Variants in MALT1 observed in about 807,000 individuals in gnomAD.
MALT1 encodes the protein MALT1 paracaspase.
In MALT1, 36 loss-of-function variants were observed where a neutral mutation model predicts 85.5. The ratio of observed to expected loss-of-function variants is 0.42; its 90% confidence interval spans 0.32 to 0.56. The LOEUF is 0.56. Ranked by LOEUF, MALT1 falls within the 20% of genes least tolerant of loss-of-function variation. The probability of loss-of-function intolerance (pLI) is 0.10; values close to 1 mark genes in which losing one functional copy is unlikely to be tolerated. For synonymous variants in MALT1, 359 were observed against 361.3 expected, an observed-to-expected ratio of 0.99 and a Z score of 0.07; for missense variants, 716 against 981.6, an observed-to-expected ratio of 0.73 and a Z score of 3.62.
intron 9 of MALT1, among the ~76,000 whole-genome samples, chr18:58,718,471 G>A (rs767890274): frequency 2.6e-5 from 4 of 152,238 alleles, no homozygotes; most frequent in Non-Finnish European, 4.4e-5. Flanking sequence ...GATCAGCAGC[G>A]GCATTTGATT....
intron 9 of MALT1, among the ~76,000 whole-genome samples, chr18:58,717,638 C>T (rs1358492026): frequency 6.7e-6 from 1 of 149,980 alleles, no homozygotes; most frequent in Non-Finnish European, 1.5e-5. Flanking sequence ...CCCAGCTACT[C>T]GGGAAGCTGA....
In MALT1 at chr18:58,745,760, A is replaced by G. The variant is rs553058118; in HGVS notation, c.2006A>G (p.Tyr669Cys). 1.2e-6 allele frequency: 2 copies of G among 1,613,868 alleles called. No individual in the cohort carries two copies. Among genetic ancestry groups the G allele is most frequent in the Middle Eastern group, 1.7e-4 (1 of 6,060 alleles). Residue 669 changes from tyrosine (Y) to cysteine (C), a missense_variant, in exon 16 of 17, where the codon TAT (tyrosine) becomes TGT (cysteine). By Grantham distance (194) the Tyr-to-Cys change is radical (BLOSUM62 -2). This residue lies in a region of MALT1 where 260 missense variants were observed against 323.7 expected (regional missense o/e 0.80). Transcript: ENST00000649217. ...VSKDLPKHCL[Y>C]TRLSSLQKLK... ...AAGGATCTTCCCAAGCATTGCCTCT[A>G]TACCAGACTCAGTTCACTGCAAAAA...
rs926362128 is a variant in MALT1, at chr18:58,749,035, A to G, written c.*1193A>G. The stretch of plus-strand genomic sequence containing the variant: ...ACAAAAATATTAGCAAACTGAATCC[A>G]GCAACCTATAAAAAGGATTCTATAT... On this transcript the variant is annotated 3_prime_UTR_variant, in exon 17 of 17. Coordinates refer to ENST00000649217, the MANE Select transcript of MALT1 (RefSeq NM_006785.4). The G allele has an allele frequency of 4.7e-6, 1 of 212,264 alleles. No individual in the cohort carries two copies. Among genetic ancestry groups the G allele is most frequent in the Non-Finnish European group, 9.5e-6 (1 of 104,842 alleles). 13.1% of individuals were successfully genotyped at this position (212,264 alleles called of 1,614,324 possible).
chr18:58,675,249 C>G (rs1454298852), intron 1 of MALT1: 1 of 152,166 alleles, frequency 6.6e-6, no homozygotes, highest in African/African-American at 2.4e-5. Flanking sequence ...GCCTAAAATT[C>G]TGTTAAGTAG....
intron 10 of MALT1, among the ~76,000 whole-genome samples, chr18:58,732,937 G>A (rs1192307778): frequency 1.3e-5 from 2 of 151,054 alleles, no homozygotes; most frequent in African/African-American, 2.5e-5. Context: ...TTGAGACAGA[G>A]TTTTGCTCTG....
At chr18:58,692,385 A>G (rs946415634) in intron 2 of MALT1, among the ~76,000 whole-genome samples, 4 of 150,306 alleles carry the variant, frequency 2.7e-5, no homozygotes, top group East Asian at 2.0e-4. Context: ...GTGTATTCCA[A>G]CTGCTCCACC....
chr18:58,676,259 G>T (rs1352968742), intron 1 of MALT1, among the ~76,000 whole-genome samples: 4 of 152,052 alleles, frequency 2.6e-5, no homozygotes, highest in African/African-American at 9.7e-5. Flanking sequence ...GCCAGGCGTG[G>T]TAGCCTCACA....
rs146422638 is a variant in MALT1 at position 58,680,487 on chromosome 18, G to A, written c.210-683G>A. On this transcript the variant is annotated intron_variant, in intron 1 of 16. Coordinates refer to ENST00000649217, the MANE Select transcript of MALT1 (RefSeq NM_006785.4). ...AATTGCTAACCTTGTAACACTGATT[G>A]TTCTATCCGCTTCATTTGGGGTCAT... is the stretch of plus-strand genomic sequence containing the variant. Among the ~76,000 whole-genome samples the A allele has an allele frequency of 3.1e-4, 47 of 152,098 alleles. No individual in the cohort carries two copies. In the East Asian group the frequency reaches 7.1e-3, roughly 23 times the overall value.
Position 58,681,272 on chromosome 18 carries a change from A to G in MALT1, c.312A>G (p.Thr104=). 1 of 1,614,204 alleles carries G rather than the reference A, an allele frequency of 6.2e-7. No homozygotes were observed. Among genetic ancestry groups the G allele is most frequent in the South Asian group, 1.1e-5 (1 of 91,084 alleles). Residue 104 remains threonine, a synonymous_variant, in exon 2 of 17, where the codon ACA becomes ACG. Transcript: ENST00000649217. ...KLMGEKGCTV[T]ELSDFLQAME... ...TGGGTGAAAAAGGTTGCACAGTCACAGAATTGAGTGATTTCCTGCAGGCTA... is the reference window on the plus strand; with the variant it reads ...TGGGTGAAAAAGGTTGCACAGTCACGGAATTGAGTGATTTCCTGCAGGCTA...
At chr18:58,727,472 T>C (rs2055073092) in intron 10 of MALT1, among the ~76,000 whole-genome samples, 1 of 152,092 alleles carries the variant, frequency 6.6e-6, no homozygotes, top group South Asian at 2.1e-4. Flanking sequence ...GCCTGGCTAA[T>C]TTTTTGTATT....
intron 2 of MALT1, among the ~76,000 whole-genome samples, chr18:58,694,761 C>G (rs1366440033): frequency 6.6e-6 from 1 of 152,212 alleles, no homozygotes; most frequent in Non-Finnish European, 1.5e-5. Flanking sequence ...CTGAGGGTCT[C>G]TCGTGAGGCA....
chr18:58,682,343 AAG>A (rs1172402780), intron 2 of MALT1, among the ~76,000 whole-genome samples: 1 of 152,180 alleles, frequency 6.6e-6, no homozygotes. Flanking sequence ...AGGCATAATA[AAG>A]AGAATACATT....
chr18:58,735,972 C>A (rs2055216240), intron 13 of MALT1, among the ~76,000 whole-genome samples: 1 of 151,948 alleles, frequency 6.6e-6, no homozygotes, highest in South Asian at 2.1e-4. Flanking sequence ...TTTGAAAAAA[C>A]ATTTTATAAG....
chr18:58,687,700 AC>A (rs1341086996), intron 2 of MALT1, among the ~76,000 whole-genome samples: 1 of 152,266 alleles, frequency 6.6e-6, no homozygotes, highest in Non-Finnish European at 1.5e-5. Context: ...TTATTGATAA[AC>A]TACATCAACA....
At chr18:58,691,888 CA>C (rs1291515104) in intron 2 of MALT1, among the ~76,000 whole-genome samples, 1 of 135,004 alleles carries the variant, frequency 7.4e-6, no homozygotes, top group Non-Finnish European at 1.6e-5. Flanking sequence ...AAAAAAACAA[CA>C]AAAAATTAGC....
intron 10 of MALT1, among the ~76,000 whole-genome samples, chr18:58,725,427 G>GA (rs903021426): frequency 8.0e-5 from 12 of 149,658 alleles, no homozygotes; most frequent in East Asian, 3.9e-4. Context: ...CCAAAATCTG[G>GA]AAAAAAAAAA....
intron 4 of MALT1, among the ~76,000 whole-genome samples, chr18:58,702,457 A>ATG (rs59790843): frequency 0.028 from 4,196 of 152,268 alleles, 161 homozygotes; most frequent in African/African-American, 0.094. Flanking sequence ...ACTCTTACTC[A>ATG]TGAATACTAA....
chr18:58,711,924 C>G (rs1180720051), intron 7 of MALT1, among the ~76,000 whole-genome samples: 1 of 152,100 alleles, frequency 6.6e-6, no homozygotes, highest in African/African-American at 2.4e-5. Flanking sequence ...GTGAAGAAAT[C>G]CTAATCGAAC....
intron 4 of MALT1, among the ~76,000 whole-genome samples, chr18:58,707,782 A>G (rs1266588542): frequency 1.3e-5 from 2 of 152,226 alleles, no homozygotes; most frequent in Non-Finnish European, 1.5e-5. Flanking sequence ...GAATAGGGGT[A>G]TGAGTCCATC....
Sources: allele counts gnomAD v4.1 joint callset (sites outside exome capture counted in the v4.1 genomes callset), GRCh38; gene constraint gnomAD v4.1.1; regional missense constraint gnomAD v4.1.1; transcripts MANE v1.5; gene names NCBI Gene and HGNC (gene_info 2026-07-23, HGNC 2026-07-21).